The following RBFOX1 variants were observed in gnomAD, a reference collection of about 807,000 sequenced individuals.
RBFOX1 encodes the protein RNA binding protein fox-1 homolog 1.
Under a neutral mutation model 57.7 loss-of-function variants are expected in RBFOX1, and 8 were observed. The ratio of observed to expected loss-of-function variants is 0.14; its 90% CI spans 0.08 to 0.25. The LOEUF is 0.25. Among genes scored for constraint, RBFOX1 ranks in the 10% least tolerant of loss-of-function variants. The pLI, the probability that RBFOX1 is intolerant of heterozygous loss-of-function variation, is 1.00. For synonymous variants in RBFOX1, 326 were observed against 222.4 expected (o/e 1.47, Z -4.15); for missense variants, 611 against 548.5 (o/e 1.11, Z -1.14).
intron 1 of RBFOX1, among the ~76,000 whole-genome samples, chr16:5,355,449 A>G (rs1200269957): frequency 2.0e-5 from 3 of 152,194 alleles, no homozygotes; most frequent in African/African-American, 7.2e-5. Flanking sequence ...TGTCAAGGTC[A>G]ATGTCTGGGT....
At chr16:6,822,215 T>G (rs2091428488) in intron 3 of RBFOX1, among the ~76,000 whole-genome samples, 1 of 152,192 alleles carries the variant, frequency 6.6e-6, no homozygotes, top group Non-Finnish European at 1.5e-5. Context: ...ACAGTCAGTT[T>G]GAAATGCTGG....
intron 4 of RBFOX1, among the ~76,000 whole-genome samples, chr16:7,356,483 G>C (rs978556009): frequency 3.3e-5 from 5 of 152,112 alleles, no homozygotes; most frequent in Admixed American, 6.5e-5. Context: ...GATGGCCAGG[G>C]CCTTGTGATG....
intron 5 of RBFOX1, among the ~76,000 whole-genome samples, chr16:7,554,152 A>G (rs568261515): frequency 6.6e-6 from 1 of 152,288 alleles, no homozygotes; most frequent in African/African-American, 2.4e-5. Context: ...TCAGAGCCCA[A>G]AGCTTAGTTG....
At chr16:6,828,887 C>A (rs191966118) in intron 3 of RBFOX1, among the ~76,000 whole-genome samples, 8 of 152,160 alleles carry the variant, frequency 5.3e-5, no homozygotes, top group African/African-American at 1.9e-4. Flanking sequence ...TAAAGAAACA[C>A]ATAAAGGTAG....
chr16:5,264,642 A>G (rs556369434), intron 1 of RBFOX1, among the ~76,000 whole-genome samples: 2 of 152,218 alleles, frequency 1.3e-5, no homozygotes, highest in Admixed American at 1.3e-4. Flanking sequence ...TTTGTCATGT[A>G]TCCAATTCTC....
intron 3 of RBFOX1, among the ~76,000 whole-genome samples, chr16:5,678,290 C>G (rs1351716426): frequency 6.6e-6 from 1 of 152,178 alleles, no homozygotes; most frequent in South Asian, 2.1e-4. Context: ...CTGAATTAGA[C>G]TGTTCTGTGG....
At chr16:6,162,895 G>A (rs931143377) in intron 1 of RBFOX1, among the ~76,000 whole-genome samples, 3 of 152,062 alleles carry the variant, frequency 2.0e-5, no homozygotes, top group Non-Finnish European at 4.4e-5. Flanking sequence ...CACCATGCCA[G>A]GCTAATTTTT....
intron 1 of RBFOX1, among the ~76,000 whole-genome samples, chr16:6,259,610 A>G (rs2097689327): frequency 6.6e-6 from 1 of 152,020 alleles, no homozygotes; most frequent in Non-Finnish European, 1.5e-5. Context: ...CGAAAGTGCA[A>G]GTGGATTGGT....
At chr16:6,466,103 C>T (rs746230212) in intron 2 of RBFOX1, among the ~76,000 whole-genome samples, 34 of 151,876 alleles carry the variant, frequency 2.2e-4, no homozygotes, top group Non-Finnish European at 4.1e-4. Flanking sequence ...GTGGTGGGCA[C>T]CTGTAATCCC....
intron 5 of RBFOX1, among the ~76,000 whole-genome samples, chr16:7,520,093 T>G (rs2077208328): frequency 6.6e-6 from 1 of 152,226 alleles, no homozygotes; most frequent in Non-Finnish European, 1.5e-5. Context: ...CACTGTGTTA[T>G]CCAGGATGAT....
At position 6,835,845 on chromosome 16, in the gene RBFOX1, G is replaced by C. The variant is rs142680930; in HGVS notation, c.-16+181195G>C. ...GATGGACAGTTCTACTCCATAATGT[G>C]ATACAGGGACCCAGGCTCCTTCCCT... is the stretch of plus-strand genomic sequence containing the variant. On this transcript the variant is annotated intron_variant, in intron 3 of 15. Transcript: ENST00000550418. Among the ~76,000 whole-genome samples the C allele has an allele frequency of 1.1e-3, 158 of 148,942 alleles. 1 individual carries two copies. The highest frequency in any genetic ancestry group is 3.8e-3 in the African/African-American group (153 of 40,750).
At chr16:6,492,638 A>C (rs1434562195) in intron 2 of RBFOX1, among the ~76,000 whole-genome samples, 1 of 152,164 alleles carries the variant, frequency 6.6e-6, no homozygotes, top group African/African-American at 2.4e-5. Context: ...CTGCCTCTGG[A>C]ATCTGTGTGA....
At chr16:7,440,880 T>C (rs1406563580) in intron 4 of RBFOX1, among the ~76,000 whole-genome samples, 1 of 152,152 alleles carries the variant, frequency 6.6e-6, no homozygotes, top group Non-Finnish European at 1.5e-5. Context: ...TCTGATATAG[T>C]ACAGCTCAAT....
At chr16:6,326,985 A>G (rs1484196970) in intron 2 of RBFOX1, among the ~76,000 whole-genome samples, 1 of 152,294 alleles carries the variant, frequency 6.6e-6, no homozygotes, top group East Asian at 1.9e-4. Context: ...TCCACATCTC[A>G]GGGACCTTCT....
chr16:6,361,716 C>T (rs1033642970), intron 2 of RBFOX1, among the ~76,000 whole-genome samples: 1 of 151,716 alleles, frequency 6.6e-6, no homozygotes, highest in Non-Finnish European at 1.5e-5. Context: ...CCTACCTTAT[C>T]TTTATACCAA....
At chr16:6,571,177 A>G (rs1270768799) in intron 2 of RBFOX1, among the ~76,000 whole-genome samples, 1 of 152,214 alleles carries the variant, frequency 6.6e-6, no homozygotes, top group African/African-American at 2.4e-5. Context: ...TGACAACTAC[A>G]AACAAAAGGG....
At chr16:7,216,882 T>C (rs1318968933) in intron 4 of RBFOX1, among the ~76,000 whole-genome samples, 1 of 152,210 alleles carries the variant, frequency 6.6e-6, no homozygotes, top group Admixed American at 6.5e-5. Flanking sequence ...TCAATCATCC[T>C]GTGTTGTAAT....
At chr16:6,678,052 C>A (rs7501256) in intron 3 of RBFOX1, among the ~76,000 whole-genome samples, 102,816 of 152,132 alleles carry the variant, frequency 0.68, 36,738 homozygotes, top group East Asian at 0.81. Flanking sequence ...AATTAATTTT[C>A]CTCATATAAT....
intron 4 of RBFOX1, among the ~76,000 whole-genome samples, chr16:7,221,068 A>T (rs12445717): frequency 6.6e-6 from 1 of 151,584 alleles, no homozygotes; most frequent in Non-Finnish European, 1.5e-5. Context: ...CGCTGTCTTC[A>T]TTAAAATGAA....
Sources: allele counts gnomAD v4.1 joint callset (sites outside exome capture counted in the v4.1 genomes callset), GRCh38; gene constraint gnomAD v4.1.1; transcripts MANE v1.5; gene names NCBI Gene and HGNC (gene_info 2026-07-23, HGNC 2026-07-21).